Variants in ITPR2 observed in about 807,000 individuals in gnomAD.
ITPR2 encodes the protein inositol 1,4,5-trisphosphate receptor type 2.
Under a neutral mutation model 317.1 loss-of-function variants are expected in ITPR2, and 207 were observed. That is an observed-to-expected ratio of 0.65 (90% confidence interval 0.58 to 0.73). The LOEUF (loss-of-function observed/expected upper bound fraction) is 0.73, where lower values mean the gene tolerates loss of function less well. Ranked by LOEUF, ITPR2 falls within the 30% of genes least tolerant of loss-of-function variation. ITPR2 has a pLI of 0.00. For missense variants in ITPR2, 2,613 were observed against 3,284.0 expected (o/e 0.80, Z 4.99); for synonymous variants, 1,156 against 1,149.1 (o/e 1.01, Z -0.12).
At chr12:26,397,756 T>C (rs1940044723) in intron 54 of ITPR2, among the ~76,000 whole-genome samples, 1 of 152,200 alleles carries the variant, frequency 6.6e-6, no homozygotes, top group East Asian at 1.9e-4. Context: ...GAGGACCCAA[T>C]TTGTTACATA....
intron 45 of ITPR2, among the ~76,000 whole-genome samples, chr12:26,459,262 C>A (rs1941958950): frequency 6.6e-6 from 1 of 152,186 alleles, no homozygotes; most frequent in Non-Finnish European, 1.5e-5. Context: ...TGCTGTAATG[C>A]CACCAGTGTT....
intron 45 of ITPR2, among the ~76,000 whole-genome samples, chr12:26,455,128 T>A (rs2136768485): frequency 6.6e-6 from 1 of 151,982 alleles, no homozygotes; most frequent in Non-Finnish European, 1.5e-5. Flanking sequence ...TGCTCAGGAA[T>A]CCAATCTGAA....
At chr12:26,673,174 A>AT (rs1210118347) in intron 13 of ITPR2, among the ~76,000 whole-genome samples, 17 of 152,008 alleles carry the variant, frequency 1.1e-4, no homozygotes, top group Admixed American at 7.9e-4. Context: ...AAAAGAGGGA[A>AT]TCCTCCCTAA....
intron 48 of ITPR2, among the ~76,000 whole-genome samples, chr12:26,433,201 C>T (rs184428165): frequency 1.1e-4 from 17 of 152,266 alleles, no homozygotes; most frequent in African/African-American, 3.4e-4. Context: ...TTTGATATTG[C>T]CAAAATGGCA....
chr12:26,702,624 A>G (rs12578958), intron 9 of ITPR2, among the ~76,000 whole-genome samples: 25,564 of 151,590 alleles, frequency 0.17, 2,537 homozygotes, highest in Non-Finnish European at 0.23. Flanking sequence ...TTTTTAGTAG[A>G]GAGGGGGGTT....
At chr12:26,599,554 G>A (rs1945941695) in intron 29 of ITPR2, among the ~76,000 whole-genome samples, 1 of 152,174 alleles carries the variant, frequency 6.6e-6, no homozygotes, top group African/African-American at 2.4e-5. Flanking sequence ...GGAGAAATGA[G>A]CTTATTATCA....
At chr12:26,590,062 G>A (rs1459731798) in intron 32 of ITPR2, among the ~76,000 whole-genome samples, 1 of 151,644 alleles carries the variant, frequency 6.6e-6, no homozygotes, top group Non-Finnish European at 1.5e-5. Context: ...ATAACTGAAA[G>A]ACATGGAGAA....
At chr12:26,367,587 G>A (rs1340374992) in intron 55 of ITPR2, among the ~76,000 whole-genome samples, 1 of 152,146 alleles carries the variant, frequency 6.6e-6, no homozygotes. Context: ...CGCAGATAGG[G>A]AAACTAAATG....
intron 49 of ITPR2, 132 bp from the exon 50 acceptor site, chr12:26,419,345 G>A: frequency 1.4e-6 from 1 of 730,994 alleles, no homozygotes; most frequent in Non-Finnish European, 2.1e-6. Context: ...ATGACTTTTT[G>A]ACATGGATGA....
In ITPR2 at chr12:26,832,735, G is replaced by A. The variant is rs1476004438; in HGVS notation, c.47C>T (p.Ser16Phe). The change falls in exon 1 of 57, where the codon TCC becomes TTC. Residue 16 changes from serine (S) to phenylalanine (F), a missense_variant. This residue lies in a region of ITPR2 where 515 missense variants were observed against 789.4 expected (regional missense o/e 0.65). Transcript: ENST00000381340. ...GTTGACCGAGCCCTCCGCGTACAGGGACACGATGTCCCCTATGTAGAGGAA... is the reference window on the plus strand; with the variant it reads ...GTTGACCGAGCCCTCCGCGTACAGGAACACGATGTCCCCTATGTAGAGGAA... Reference protein sequence around the residue: ...SSFLYIGDIVSLYAEGSVNGF... With the variant: ...SSFLYIGDIVFLYAEGSVNGF... The A allele has an allele frequency of 3.1e-6, 5 of 1,601,682 alleles. No individual in the cohort carries two copies. Among genetic ancestry groups the A allele is most frequent in the South Asian group, 1.1e-5 (1 of 89,562 alleles).
At chr12:26,394,172 G>A (rs1459321491) in intron 54 of ITPR2, among the ~76,000 whole-genome samples, 1 of 152,122 alleles carries the variant, frequency 6.6e-6, no homozygotes. Context: ...CATTTTCCAG[G>A]TGAGGGAACA....
chr12:26,607,102 A>C (rs1221843386), intron 26 of ITPR2, among the ~76,000 whole-genome samples: 1 of 152,142 alleles, frequency 6.6e-6, no homozygotes, highest in Non-Finnish European at 1.5e-5. Flanking sequence ...ATTTATCCCT[A>C]TCCCACTGAA....
At chr12:26,770,698 G>C (rs936070723) in intron 2 of ITPR2, among the ~76,000 whole-genome samples, 5 of 152,154 alleles carry the variant, frequency 3.3e-5, no homozygotes, top group Admixed American at 1.3e-4. Context: ...CCTTTAGGTA[G>C]TTTTAGGTTG....
intron 12 of ITPR2, 55 bp from the exon 13 acceptor site, chr12:26,682,089 G>T: frequency 7.1e-7 from 1 of 1,410,294 alleles, no homozygotes; most frequent in Non-Finnish European, 9.9e-7. Context: ...AATATTCTTT[G>T]AAGACTAACA....
intron 32 of ITPR2, among the ~76,000 whole-genome samples, chr12:26,582,745 C>T (rs1215354199): frequency 6.6e-6 from 1 of 152,152 alleles, no homozygotes; most frequent in African/African-American, 2.4e-5. Context: ...ATACTGCTTG[C>T]TGGGCTGATC....
intron 52 of ITPR2, among the ~76,000 whole-genome samples, chr12:26,407,817 G>T (rs1305860125): frequency 6.6e-6 from 1 of 152,168 alleles, no homozygotes; most frequent in Admixed American, 6.5e-5. Context: ...ATAACTAGTA[G>T]TATCTATCTA....
chr12:26,724,643 A>G lies in ITPR2; in HGVS notation c.366+13T>C. 4.0e-6 allele frequency: 6 copies of G among 1,492,230 alleles called. No homozygotes were observed. The highest frequency in any genetic ancestry group is 5.6e-6 in the Non-Finnish European group (6 of 1,074,522). 92.4% of individuals were successfully genotyped at this position (1,492,230 alleles called of 1,614,324 possible). On this transcript the variant is annotated intron_variant, in intron 4 of 56. Transcript: ENST00000381340. ...ACATAAAATACTCACCTCGTTTAAG[A>G]GAAAATACTTACTTGTATAACATTA...
At position 26,573,483 on chromosome 12, in the gene ITPR2, G is replaced by A. The variant is rs113951946; in HGVS notation, c.4630+5230C>T. ...GGGGGGTGGGGCAGACAACAAAGAA[G>A]CAATAAATAAACAAACAAGCTGCTT... On this transcript the variant is annotated intron_variant, in intron 34 of 56. Transcript: ENST00000381340. Among the ~76,000 whole-genome samples, 1,053 of 152,132 alleles carry A rather than the reference G, an allele frequency of 6.9e-3. 6 individuals carry two copies. Among genetic ancestry groups the A allele is most frequent in the South Asian group, 0.022 (108 of 4,826 alleles).
chr12:26,595,641 T>TTCA, intron 31 of ITPR2, 51 bp from the exon 32 acceptor site: 1 of 1,394,014 alleles, frequency 7.2e-7, no homozygotes, highest in Non-Finnish European at 9.7e-7. Context: ...ATTGATGACT[T>TTCA]TCAAATATCA....
Sources: allele counts gnomAD v4.1 joint callset (sites outside exome capture counted in the v4.1 genomes callset), GRCh38; gene constraint gnomAD v4.1.1; regional missense constraint gnomAD v4.1.1; transcripts MANE v1.5; gene names NCBI Gene and HGNC (gene_info 2026-07-23, HGNC 2026-07-21).